Variants in INPP4B observed in about 807,000 individuals in gnomAD.
INPP4B encodes inositol polyphosphate-4-phosphatase type II B, also known as inositol polyphosphate 4-phosphatase type II.
Under a neutral mutation model 122.5 loss-of-function variants are expected in INPP4B, and 55 were observed. The observed-to-expected ratio is 0.45, with a 90% CI of 0.36 to 0.56. The LOEUF (loss-of-function observed/expected upper bound fraction) is 0.56. INPP4B is among the 20% of genes least tolerant of loss of function. INPP4B has a pLI of 0.00. For missense variants in INPP4B, 1,000 were observed against 1,097.7 expected (o/e 0.91, Z 1.26); for synonymous variants, 403 against 388.7 (o/e 1.04, Z -0.43).
intron 9 of INPP4B, among the ~76,000 whole-genome samples, chr4:142,273,134 T>G (rs2150612062): frequency 6.6e-6 from 1 of 152,080 alleles, no homozygotes; most frequent in East Asian, 1.9e-4. Context: ...ATTTGTAAAA[T>G]GGAGATGACA....
chr4:142,770,733 T>C (rs1772917077), intron 1 of INPP4B, among the ~76,000 whole-genome samples: 6 of 152,100 alleles, frequency 3.9e-5, no homozygotes, highest in Admixed American at 3.9e-4. Flanking sequence ...AGAAAACACA[T>C]GCCTCCATCT....
At chr4:142,814,184 A>G (rs1161014702) in intron 1 of INPP4B, among the ~76,000 whole-genome samples, 1 of 152,210 alleles carries the variant, frequency 6.6e-6, no homozygotes, top group Admixed American at 6.5e-5. Context: ...AGGGAAAAGG[A>G]GAATCATGCA....
intron 21 of INPP4B, among the ~76,000 whole-genome samples, chr4:142,117,513 C>A (rs916824125): frequency 1.3e-5 from 2 of 152,098 alleles, no homozygotes; most frequent in African/African-American, 4.8e-5. Flanking sequence ...TCAACCTATG[C>A]AAATCAATAA....
intron 2 of INPP4B, among the ~76,000 whole-genome samples, chr4:142,621,876 A>T (rs1177234122): frequency 1.3e-5 from 2 of 151,930 alleles, no homozygotes; most frequent in Non-Finnish European, 2.9e-5. Context: ...TCAATGCTTT[A>T]AGTAGTATAA....
chr4:142,054,976 C>T (rs561250615), intron 25 of INPP4B, among the ~76,000 whole-genome samples: 5 of 152,008 alleles, frequency 3.3e-5, no homozygotes, highest in African/African-American at 1.2e-4. Flanking sequence ...AGATTGCCTA[C>T]TAAGAGATAA....
At chr4:142,322,018 A>G (rs542840613) in intron 7 of INPP4B, among the ~76,000 whole-genome samples, 1 of 152,332 alleles carries the variant, frequency 6.6e-6, no homozygotes, top group African/African-American at 2.4e-5. Flanking sequence ...TTCAGCCACT[A>G]TTATAAGCAC....
At chr4:142,496,854 A>G (rs1043967956) in intron 2 of INPP4B, 2 of 152,052 alleles carry the variant, frequency 1.3e-5, no homozygotes, top group East Asian at 3.9e-4. Context: ...ATCAAAAGAT[A>G]TACTTTAAGA....
At chr4:142,125,927 G>A (rs1383439403) in intron 18 of INPP4B, among the ~76,000 whole-genome samples, 3 of 152,116 alleles carry the variant, frequency 2.0e-5, no homozygotes, top group Non-Finnish European at 2.9e-5. Context: ...TAAAGATATA[G>A]ACAAGTTTAA....
At chr4:142,818,045 G>C (rs1780332618) in intron 1 of INPP4B, among the ~76,000 whole-genome samples, 1 of 151,968 alleles carries the variant, frequency 6.6e-6, no homozygotes, top group African/African-American at 2.4e-5. Flanking sequence ...TAACAAGAAA[G>C]CAACAGGATA....
intron 2 of INPP4B, among the ~76,000 whole-genome samples, chr4:142,634,868 ATAT>A (rs1040275812): frequency 9.2e-5 from 14 of 151,462 alleles, no homozygotes; most frequent in Non-Finnish European, 1.5e-4. Flanking sequence ...AAAAATGAAA[ATAT>A]TATTATTTGC....
intron 24 of INPP4B, among the ~76,000 whole-genome samples, chr4:142,085,399 A>G (rs951948800): frequency 6.6e-6 from 1 of 152,222 alleles, no homozygotes; most frequent in Non-Finnish European, 1.5e-5. Flanking sequence ...TATCATAAAG[A>G]TCTTTAACAT....
chr4:142,133,271 A>C (rs1400593495), intron 18 of INPP4B, among the ~76,000 whole-genome samples: 3 of 152,162 alleles, frequency 2.0e-5, no homozygotes, highest in Non-Finnish European at 4.4e-5. Flanking sequence ...AACAATTTCC[A>C]AATTAATGTC....
chr4:142,840,848 CA>C (rs1410650537), intron 1 of INPP4B, among the ~76,000 whole-genome samples: 1 of 151,886 alleles, frequency 6.6e-6, no homozygotes, highest in Admixed American at 6.6e-5. Context: ...ATAATTCCTT[CA>C]AAATAAGAAT....
chr4:142,129,013 G>A (rs3775653), intron 18 of INPP4B, among the ~76,000 whole-genome samples: 17,255 of 152,078 alleles, frequency 0.11, 1,117 homozygotes, highest in East Asian at 0.24. Context: ...TGTTATTTCC[G>A]TTATCGCAAC....
At chr4:142,551,025 G>A (rs1021692400) in intron 2 of INPP4B, among the ~76,000 whole-genome samples, 1 of 152,164 alleles carries the variant, frequency 6.6e-6, no homozygotes, top group East Asian at 1.9e-4. Flanking sequence ...ACACAAACTA[G>A]TAGATATTCT....
chr4:142,681,969 A>G lies in INPP4B; in HGVS notation c.-191+43870T>C, dbSNP rs926896206. On this transcript the variant is annotated intron_variant, in intron 2 of 25. Coordinates refer to ENST00000262992, the MANE Select transcript of INPP4B (RefSeq NM_001101669.3). ...CTCAAAAGTTCAGTCATAAAGTGCA[A>G]TTCTTTTCCTCTTCAACGTGCAAAT... Among the ~76,000 whole-genome samples the G allele has an allele frequency of 2.0e-5, 3 of 151,876 alleles. No homozygotes were observed. In the East Asian group the frequency reaches 5.8e-4, roughly 29 times the overall value.
At chr4:142,211,582 G>A (rs1414804462) in intron 12 of INPP4B, among the ~76,000 whole-genome samples, 1 of 152,160 alleles carries the variant, frequency 6.6e-6, no homozygotes, top group Non-Finnish European at 1.5e-5. Context: ...TGACTGAGCT[G>A]GGGAGAACTT....
intron 2 of INPP4B, among the ~76,000 whole-genome samples, chr4:142,690,570 T>C (rs2150720396): frequency 6.6e-6 from 1 of 152,230 alleles, no homozygotes; most frequent in Middle Eastern, 3.4e-3. Context: ...TGCTCTTGAT[T>C]TAGTGTCAAT....
At chr4:142,659,166 G>A (rs781545682) in intron 2 of INPP4B, among the ~76,000 whole-genome samples, 3 of 151,828 alleles carry the variant, frequency 2.0e-5, no homozygotes, top group East Asian at 3.9e-4. Context: ...TTGGGAGGCC[G>A]AGGCGGGCAG....
Sources: gnomAD v4.1 joint callset for allele counts (sites outside exome capture counted in the v4.1 genomes callset) on GRCh38, gnomAD v4.1.1 for gene constraint, MANE v1.5 for transcripts, NCBI Gene and HGNC (gene_info 2026-07-23, HGNC 2026-07-21) for gene names.